Variants in PCDHGA2 observed in about 807,000 individuals in gnomAD.
PCDHGA2 encodes protocadherin gamma subfamily A, 2, also known as protocadherin gamma-A2.
PCDHGA2 carries 40 observed loss-of-function variants against 59.2 expected under a neutral mutation model. The ratio of observed to expected loss-of-function variants is 0.68; its 90% CI spans 0.52 to 0.88. The LOEUF (loss-of-function observed/expected upper bound fraction) is 0.88. PCDHGA2 is among the 40% of genes least tolerant of loss of function. PCDHGA2 has a pLI of 0.00. For synonymous variants in PCDHGA2, 560 were observed against 526.0 expected (o/e 1.06, Z -0.89); for missense variants, 1,226 against 1,204.0 (o/e 1.02, Z -0.27).
At chr5:141,479,936 T>C (rs532302710) in intron 1 of PCDHGA2, among the ~76,000 whole-genome samples, 97 of 152,340 alleles carry the variant, frequency 6.4e-4, no homozygotes, top group African/African-American at 2.2e-3. Flanking sequence ...ATCATTGCTA[T>C]CAACTCTTGG....
At chr5:141,364,184 A>G (rs1240883607) in intron 1 of PCDHGA2, 2 of 965,444 alleles carry the variant, frequency 2.1e-6, no homozygotes, top group Non-Finnish European at 1.5e-6. Flanking sequence ...CTCCCTCCAT[A>G]CTAAACACAC....
Position 141,476,416 on chromosome 5 carries a change from A to G in PCDHGA2, c.2425-18391A>G. On this transcript the variant is annotated intron_variant, in intron 1 of 3. Coordinates refer to ENST00000394576, the MANE Select transcript of PCDHGA2 (RefSeq NM_018915.4). The surrounding 1 kb of genome is among the most constrained non-coding windows in gnomAD (Gnocchi z 7.6). ...TGGATCGAGAGGAGCTGTGTGGGAC[A>G]CTGCCCTCTTGCACTGTAACTCTGG... 1 of 1,614,056 alleles carries G rather than the reference A, an allele frequency of 6.2e-7. No individual in the cohort carries two copies. The highest frequency in any genetic ancestry group is 8.5e-7 in the Non-Finnish European group (1 of 1,179,994).
At chr5:141,427,006 G>C (rs1288837425) in intron 1 of PCDHGA2, 3 of 456,792 alleles carry the variant, frequency 6.6e-6, no homozygotes, top group South Asian at 3.1e-5. Flanking sequence ...CCAGTTTTTA[G>C]CCAGGATGTA....
At chr5:141,360,734 T>C in intron 1 of PCDHGA2, 3 of 1,613,986 alleles carry the variant, frequency 1.9e-6, no homozygotes, top group Non-Finnish European at 2.5e-6. Flanking sequence ...AAACACTCTC[T>C]GGACAGAGAA....
intron 1 of PCDHGA2, among the ~76,000 whole-genome samples, chr5:141,474,185 C>A (rs1481544975): frequency 6.6e-6 from 1 of 152,180 alleles, no homozygotes; most frequent in Non-Finnish European, 1.5e-5. Flanking sequence ...AAACTACTTA[C>A]ATTTTTAAAA....
At position 141,491,899 on chromosome 5, in the gene PCDHGA2, G is replaced by A; in HGVS notation, c.2425-2908G>A. The A allele has an allele frequency of 7.0e-7, 1 of 1,433,322 alleles. No homozygotes were observed. Among genetic ancestry groups the A allele is most frequent in the South Asian group, 1.5e-5 (1 of 67,156 alleles). The allele number at this position is 1,433,322 out of a possible 1,614,324, so 88.8% of individuals were successfully genotyped here. A position where few individuals can be genotyped will look rare whatever the true frequency, so the allele number is the denominator to read the frequency against. On this transcript the variant is annotated intron_variant, in intron 1 of 3. Coordinates refer to ENST00000394576, the MANE Select transcript of PCDHGA2 (RefSeq NM_018915.4). The surrounding 1 kb of genome is among the most constrained non-coding windows in gnomAD (Gnocchi z 6.9). ...TTAAGGGATGGGGCTCCGAGCACCG[G>A]GGGTGGTGGCGACTGTGGGCGAGGG... is the stretch of plus-strand genomic sequence containing the variant.
chr5:141,444,915 T>C (rs1262912255), intron 1 of PCDHGA2, among the ~76,000 whole-genome samples: 1 of 152,174 alleles, frequency 6.6e-6, no homozygotes, highest in East Asian at 1.9e-4. Flanking sequence ...TCTATACCTT[T>C]ATCAGGGAAA....
chr5:141,413,235 C>A, intron 1 of PCDHGA2: 1 of 1,613,954 alleles, frequency 6.2e-7, no homozygotes, highest in Non-Finnish European at 8.5e-7. Context: ...TGGTCCTGCT[C>A]TGCCTTTTCT....
At position 141,511,127 on chromosome 5, in the gene PCDHGA2, G is replaced by C; in HGVS notation, c.2753G>C (p.Gly918Ala). 1 of 1,614,194 alleles carries C rather than the reference G, an allele frequency of 6.2e-7. No individual in the cohort carries two copies. Among genetic ancestry groups the C allele is most frequent in the Non-Finnish European group, 8.5e-7 (1 of 1,180,018 alleles). The change falls in exon 4 of 4, where the codon GGT becomes GCT. Residue 918 changes from glycine to alanine, a missense_variant. Coordinates refer to ENST00000394576, the MANE Select transcript of PCDHGA2 (RefSeq NM_018915.4). ...AGKRDGKAPA[G>A]GNGNKKKSGK... ...AAGCGGGATGGCAAGGCCCCAGCAG[G>C]TGGCAATGGCAACAAGAAGAAGTCG...
intron 1 of PCDHGA2, chr5:141,343,190 T>G (rs1757264947): frequency 1.7e-5 from 10 of 574,340 alleles, no homozygotes; most frequent in African/African-American, 2.0e-5. Context: ...CCAAACATAT[T>G]GTCTGATGCC....
chr5:141,347,162 TC>T, intron 1 of PCDHGA2, among the ~76,000 whole-genome samples: 1 of 146,024 alleles, frequency 6.8e-6, no homozygotes, highest in East Asian at 2.0e-4. Flanking sequence ...TTTCTTTCTT[TC>T]TTTCTTTCTT....
At chr5:141,362,100 C>T (rs1266729746) in intron 1 of PCDHGA2, 26 of 1,613,752 alleles carry the variant, frequency 1.6e-5, no homozygotes, top group Non-Finnish European at 1.9e-5. Context: ...CGCCACTCTC[C>T]GCTACGGCCA....
chr5:141,355,302 G>C (rs1759792731), intron 1 of PCDHGA2: 3 of 1,613,798 alleles, frequency 1.9e-6, no homozygotes, highest in Non-Finnish European at 2.5e-6. Flanking sequence ...TTCTCTACTC[G>C]GTGTTTGAGG....
chr5:141,423,474 T>C, intron 1 of PCDHGA2: 1 of 1,614,004 alleles, frequency 6.2e-7, no homozygotes, highest in Non-Finnish European at 8.5e-7. Flanking sequence ...GGGTACAGGC[T>C]TTCCTGCAAA....
Position 141,349,318 on chromosome 5 carries a change from C to T in PCDHGA2, c.2424+7923C>T, listed in dbSNP as rs371990923. Reference sequence around the variant, plus strand: ...CTCCTGACCTCATGTGTTCTTCCCACCTTGGCCTCCCAAAGTGCTGGGATC... The same window carrying T: ...CTCCTGACCTCATGTGTTCTTCCCATCTTGGCCTCCCAAAGTGCTGGGATC... On this transcript the variant is annotated intron_variant, in intron 1 of 3. Coordinates refer to ENST00000394576, the MANE Select transcript of PCDHGA2 (RefSeq NM_018915.4). 7.2e-5 allele frequency among the ~76,000 whole-genome samples: 11 copies of T among 152,294 alleles called. No homozygotes were observed. The East Asian group carries it at 2.1e-3, about 29-fold the overall frequency.
At chr5:141,389,141 C>G (rs919430175) in intron 1 of PCDHGA2, 1 of 1,613,878 alleles carries the variant, frequency 6.2e-7, no homozygotes, top group African/African-American at 1.3e-5. Context: ...ACAATATAAC[C>G]GTTACGGCAA....
intron 2 of PCDHGA2, among the ~76,000 whole-genome samples, chr5:141,504,926 TGGTG>T (rs1312481961): frequency 1.3e-5 from 2 of 151,946 alleles, no homozygotes; most frequent in Non-Finnish European, 2.9e-5. Context: ...GGCTCTCTCA[TGGTG>T]GGTGGGGGAA....
At chr5:141,457,573 C>T (rs934685938) in intron 1 of PCDHGA2, among the ~76,000 whole-genome samples, 3 of 152,206 alleles carry the variant, frequency 2.0e-5, no homozygotes, top group Non-Finnish European at 4.4e-5. Flanking sequence ...CAAAATTTTT[C>T]TCTCCAGTCC....
chr5:141,387,244 C>T (rs1267995802), intron 1 of PCDHGA2, among the ~76,000 whole-genome samples: 2 of 152,024 alleles, frequency 1.3e-5, no homozygotes, highest in South Asian at 2.1e-4. Context: ...CTTGGAGGTA[C>T]TTAGAAAAGT....
Sources: allele counts gnomAD v4.1 joint callset (sites outside exome capture counted in the v4.1 genomes callset), GRCh38; gene constraint gnomAD v4.1.1; non-coding constraint Gnocchi (gnomAD v3.1); transcripts MANE v1.5; gene names NCBI Gene and HGNC (gene_info 2026-07-23, HGNC 2026-07-21).